The following NBEA variants were observed in gnomAD, a reference collection of about 807,000 sequenced individuals.
The protein encoded by NBEA is lysosomal-trafficking regulator 2.
In NBEA, 44 loss-of-function variants were observed where a neutral mutation model predicts 343.4. The observed-to-expected ratio is 0.13, with a 90% CI of 0.10 to 0.16. NBEA has a LOEUF of 0.16. Among genes scored for constraint, NBEA ranks in the 10% least tolerant of loss-of-function variants. The pLI, the probability that NBEA is intolerant of heterozygous loss-of-function variation, is 1.00. For missense variants in NBEA, 2,555 were observed against 3,631.3 expected (o/e 0.70, Z 7.62); for synonymous variants, 1,175 against 1,238.7 (o/e 0.95, Z 1.08).
At chr13:35,008,548 T>C (rs2061387433) in intron 1 of NBEA, among the ~76,000 whole-genome samples, 1 of 152,182 alleles carries the variant, frequency 6.6e-6, no homozygotes. Context: ...TTTTGATCCA[T>C]AGTTGTTTGA....
At chr13:35,265,532 A>T (rs1338168391) in intron 34 of NBEA, among the ~76,000 whole-genome samples, 1 of 151,922 alleles carries the variant, frequency 6.6e-6, no homozygotes, top group Non-Finnish European at 1.5e-5. Flanking sequence ...TACCAATAGG[A>T]TAGAAAGATA....
At chr13:35,213,771 A>G (rs1015163341) in intron 33 of NBEA, among the ~76,000 whole-genome samples, 9 of 151,952 alleles carry the variant, frequency 5.9e-5, no homozygotes, top group Non-Finnish European at 1.0e-4. Flanking sequence ...TTCAAACTCA[A>G]TAAAAAACAC....
At chr13:35,130,651 A>G (rs1227075696) in intron 17 of NBEA, among the ~76,000 whole-genome samples, 8 of 152,100 alleles carry the variant, frequency 5.3e-5, no homozygotes, top group African/African-American at 1.9e-4. Context: ...ATCAATTACA[A>G]AAAATCTCAA....
chr13:35,410,932 C>T (rs940267398), intron 38 of NBEA, among the ~76,000 whole-genome samples: 1 of 152,076 alleles, frequency 6.6e-6, no homozygotes, highest in African/African-American at 2.4e-5. Context: ...AAAGCTTTAG[C>T]GGACTTTCTC....
chr13:34,968,392 C>G (rs1330907798), intron 1 of NBEA, among the ~76,000 whole-genome samples: 2 of 152,028 alleles, frequency 1.3e-5, no homozygotes, highest in African/African-American at 4.8e-5. Context: ...TCTAAGGGCC[C>G]CAACATGAGT....
At chr13:35,124,199 T>C (rs1303627231) in intron 17 of NBEA, among the ~76,000 whole-genome samples, 1 of 150,638 alleles carries the variant, frequency 6.6e-6, no homozygotes, top group Non-Finnish European at 1.5e-5. Context: ...GTAGTGCAAC[T>C]ATAATTTAAA....
intron 38 of NBEA, among the ~76,000 whole-genome samples, chr13:35,427,227 A>C (rs552324697): frequency 7.2e-5 from 11 of 152,114 alleles, no homozygotes; most frequent in African/African-American, 2.7e-4. Flanking sequence ...TAGAGTTTCC[A>C]GTTTTTCTGC....
intron 1 of NBEA, among the ~76,000 whole-genome samples, chr13:35,002,482 A>G (rs2061173699): frequency 6.6e-6 from 1 of 152,190 alleles, no homozygotes; most frequent in East Asian, 1.9e-4. Context: ...CTTGGTAACA[A>G]CAGTAAAGCT....
chr13:35,367,222 A>G (rs888620584), intron 38 of NBEA, among the ~76,000 whole-genome samples: 1 of 151,264 alleles, frequency 6.6e-6, no homozygotes, highest in African/African-American at 2.4e-5. Flanking sequence ...CTTAGGTAGA[A>G]ACCTAACAAA....
At chr13:35,422,289 C>T (rs2044336692) in intron 38 of NBEA, among the ~76,000 whole-genome samples, 1 of 145,268 alleles carries the variant, frequency 6.9e-6, no homozygotes, top group Non-Finnish European at 1.5e-5. Context: ...CTAATGCTAT[C>T]CTTCCCCCCT....
At chr13:35,475,124 C>T in intron 41 of NBEA, 2 of 1,614,064 alleles carry the variant, frequency 1.2e-6, no homozygotes, top group South Asian at 2.2e-5. Context: ...GTTTGTTTGG[C>T]AGCGTTTTCC....
chr13:35,537,986 G>A (rs1317237211), intron 41 of NBEA, among the ~76,000 whole-genome samples: 1 of 152,168 alleles, frequency 6.6e-6, no homozygotes, highest in Non-Finnish European at 1.5e-5. Context: ...GGCCGTCTCT[G>A]AATATCTTGA....
At chr13:35,265,528 T>A (rs184340386) in intron 34 of NBEA, among the ~76,000 whole-genome samples, 2 of 151,648 alleles carry the variant, frequency 1.3e-5, no homozygotes, top group Admixed American at 1.3e-4. Flanking sequence ...TACATACCAA[T>A]AGGATAGAAA....
chr13:35,323,524 A>C (rs1158036968), intron 36 of NBEA, among the ~76,000 whole-genome samples: 2 of 138,068 alleles, frequency 1.4e-5, no homozygotes, highest in Admixed American at 1.7e-4. Context: ...ATGAGAACAC[A>C]TGGACACAGG....
At chr13:35,297,245 G>A (rs73169723) in intron 35 of NBEA, among the ~76,000 whole-genome samples, 7,029 of 151,654 alleles carry the variant, frequency 0.046, 201 homozygotes, top group South Asian at 0.079. Context: ...TTTATTTCAC[G>A]AAGCCTTTCT....
chr13:35,183,857 C>T, intron 29 of NBEA, 119 bp from the exon 30 acceptor site: 2 of 599,776 alleles, frequency 3.3e-6, no homozygotes, highest in Non-Finnish European at 5.8e-6. Flanking sequence ...GAGATGCATT[C>T]GTTATTGCTA....
At chr13:34,963,794 A>G (rs577617427) in intron 1 of NBEA, among the ~76,000 whole-genome samples, 1 of 152,034 alleles carries the variant, frequency 6.6e-6, no homozygotes, top group South Asian at 2.1e-4. Flanking sequence ...GAAAAGCCCA[A>G]ATAGTTTTGA....
At position 35,531,146 on chromosome 13, in the gene NBEA, T is replaced by G. The variant is rs146358982; in HGVS notation, c.6586-19331T>G. 5.9e-3 allele frequency among the ~76,000 whole-genome samples: 906 copies of G among 152,284 alleles called. 6 individuals carry two copies. Among genetic ancestry groups the G allele is most frequent in the African/African-American group, 0.02 (851 of 41,554 alleles). Reference sequence around the variant, plus strand: ...AACATACATTTCTACAGAGTCATGATTTATCATTCTCAACCCCAAATTCAA... The same window carrying G: ...AACATACATTTCTACAGAGTCATGAGTTATCATTCTCAACCCCAAATTCAA... On this transcript the variant is annotated intron_variant, in intron 41 of 58. Transcript: ENST00000379939.
intron 49 of NBEA, among the ~76,000 whole-genome samples, chr13:35,644,160 G>A (rs929184238): frequency 6.6e-6 from 1 of 152,198 alleles, no homozygotes; most frequent in Admixed American, 6.5e-5. Context: ...GGCATGTAAA[G>A]TAGATCACAA....
Sources: allele counts gnomAD v4.1 joint callset (sites outside exome capture counted in the v4.1 genomes callset), GRCh38; gene constraint gnomAD v4.1.1; transcripts MANE v1.5; gene names NCBI Gene and HGNC (gene_info 2026-07-23, HGNC 2026-07-21).